CDK6: variants seen among roughly 807,000 people sequenced by gnomAD.
The protein encoded by CDK6 is cyclin-dependent kinase 6.
Under a neutral mutation model 37.1 loss-of-function variants are expected in CDK6, and 6 were observed. The observed-to-expected ratio is 0.16, with a 90% confidence interval of 0.09 to 0.32. The LOEUF (loss-of-function observed/expected upper bound fraction) is 0.32. CDK6 is among the 10% of genes least tolerant of loss of function. The probability of loss-of-function intolerance (pLI) is 1.00; values close to 1 mark genes in which losing one functional copy is unlikely to be tolerated. For missense variants in CDK6, 224 were observed against 418.9 expected (o/e 0.53, Z 4.06); for synonymous variants, 160 against 161.3 (o/e 0.99, Z 0.06).
At chr7:92,704,662 C>T (rs1379456052) in intron 4 of CDK6, among the ~76,000 whole-genome samples, 5 of 152,130 alleles carry the variant, frequency 3.3e-5, no homozygotes, top group African/African-American at 1.2e-4. Flanking sequence ...GTAGCTATAG[C>T]TCATTCATTT....
At chr7:92,733,475 T>C (rs1477507955) in intron 3 of CDK6, among the ~76,000 whole-genome samples, 1 of 152,238 alleles carries the variant, frequency 6.6e-6, no homozygotes, top group Admixed American at 6.5e-5. Flanking sequence ...GTCTCTGTTT[T>C]CTAAATGGAA....
intron 5 of CDK6, among the ~76,000 whole-genome samples, chr7:92,641,350 T>A (rs1796301030): frequency 6.6e-6 from 1 of 152,216 alleles, no homozygotes; most frequent in African/African-American, 2.4e-5. Flanking sequence ...TTTATTTATA[T>A]CAGCATGGAC....
chr7:92,771,433 A>G (rs531269806), intron 3 of CDK6, among the ~76,000 whole-genome samples: 2 of 152,250 alleles, frequency 1.3e-5, no homozygotes, highest in East Asian at 3.9e-4. Context: ...ATTAATACCT[A>G]TGATTTGGAT....
chr7:92,687,387 T>A (rs1797483358), intron 4 of CDK6, among the ~76,000 whole-genome samples: 1 of 152,190 alleles, frequency 6.6e-6, no homozygotes, highest in Non-Finnish European at 1.5e-5. Context: ...ATTTGTTAAA[T>A]GTATGACCAA....
chr7:92,631,408 G>A (rs1796049446), intron 5 of CDK6, among the ~76,000 whole-genome samples: 1 of 152,102 alleles, frequency 6.6e-6, no homozygotes, highest in Non-Finnish European at 1.5e-5. Context: ...AAAATCAAAT[G>A]AGCATACCTC....
intron 5 of CDK6, among the ~76,000 whole-genome samples, chr7:92,646,709 G>A (rs981551779): frequency 6.6e-6 from 1 of 152,132 alleles, no homozygotes; most frequent in Admixed American, 6.5e-5. Flanking sequence ...GCACCTGGTA[G>A]GTTTTCAAAG....
chr7:92,640,143 C>T (rs1271375437), intron 5 of CDK6, among the ~76,000 whole-genome samples: 1 of 152,134 alleles, frequency 6.6e-6, no homozygotes, highest in African/African-American at 2.4e-5. Flanking sequence ...GAGAGCACGC[C>T]GCTCAGCTGC....
chr7:92,830,763 CAAT>C (rs1368555367), intron 2 of CDK6, among the ~76,000 whole-genome samples: 1 of 152,188 alleles, frequency 6.6e-6, no homozygotes, highest in African/African-American at 2.4e-5. Flanking sequence ...GTGACATCAT[CAAT>C]AATTTCCTCA....
At chr7:92,785,502 C>T (rs1333480238) in intron 2 of CDK6, among the ~76,000 whole-genome samples, 1 of 152,022 alleles carries the variant, frequency 6.6e-6, no homozygotes, top group Non-Finnish European at 1.5e-5. Context: ...AGTATACTGA[C>T]CTGAAGTCTT....
intron 4 of CDK6, among the ~76,000 whole-genome samples, chr7:92,721,499 A>G (rs182867846): frequency 6.6e-6 from 1 of 152,274 alleles, no homozygotes; most frequent in Non-Finnish European, 1.5e-5. Flanking sequence ...GTTACCATCC[A>G]CATCTTAATT....
intron 2 of CDK6, among the ~76,000 whole-genome samples, chr7:92,813,708 T>C (rs1382476519): frequency 3.9e-5 from 6 of 152,166 alleles, no homozygotes; most frequent in Non-Finnish European, 5.9e-5. Flanking sequence ...CTTCACAAAC[T>C]GTGAACAATG....
chr7:92,831,847 T>C (rs1801490232), intron 2 of CDK6, among the ~76,000 whole-genome samples: 1 of 152,204 alleles, frequency 6.6e-6, no homozygotes, highest in Non-Finnish European at 1.5e-5. Flanking sequence ...GAAGATTCTG[T>C]AGATATTTGG....
At chr7:92,653,916 C>T (rs1259866430) in intron 5 of CDK6, among the ~76,000 whole-genome samples, 1 of 152,136 alleles carries the variant, frequency 6.6e-6, no homozygotes, top group Non-Finnish European at 1.5e-5. Flanking sequence ...TCAAGATCAT[C>T]AATTTCTTAG....
chr7:92,748,681 T>C (rs937731791), intron 3 of CDK6, among the ~76,000 whole-genome samples: 11 of 152,180 alleles, frequency 7.2e-5, no homozygotes, highest in South Asian at 2.1e-4. Flanking sequence ...TTTCATAACA[T>C]AGAATAAATA....
intron 3 of CDK6, among the ~76,000 whole-genome samples, chr7:92,729,918 TTTGTAGA>T (rs1480635994): frequency 6.6e-6 from 1 of 152,168 alleles, no homozygotes; most frequent in Non-Finnish European, 1.5e-5. Context: ...TTTTAAACTT[TTTGTAGA>T]GACAGGGTCT....
chr7:92,628,682 T>A (rs998689960), intron 5 of CDK6, among the ~76,000 whole-genome samples: 1 of 152,150 alleles, frequency 6.6e-6, no homozygotes, highest in Non-Finnish European at 1.5e-5. Context: ...TACGATTAGA[T>A]GTATACACAC....
chr7:92,661,958 G>C (rs1037691033), intron 5 of CDK6, among the ~76,000 whole-genome samples: 1 of 152,174 alleles, frequency 6.6e-6, no homozygotes, highest in Admixed American at 6.5e-5. Flanking sequence ...GCTACATGTA[G>C]AGACACTATT....
chr7:92,799,219 T>C (rs1223016420), intron 2 of CDK6, among the ~76,000 whole-genome samples: 1 of 152,210 alleles, frequency 6.6e-6, no homozygotes, highest in Non-Finnish European at 1.5e-5. Context: ...CTTAGTTATC[T>C]ATTACCAGGT....
intron 5 of CDK6, among the ~76,000 whole-genome samples, chr7:92,624,683 A>G (rs1795885174): frequency 6.6e-6 from 1 of 152,290 alleles, no homozygotes; most frequent in East Asian, 1.9e-4. Context: ...AGGTCTTAAA[A>G]GATGACAAGG....
Sources: gnomAD v4.1 joint callset for allele counts (sites outside exome capture counted in the v4.1 genomes callset) on GRCh38, gnomAD v4.1.1 for gene constraint, MANE v1.5 for transcripts, NCBI Gene and HGNC (gene_info 2026-07-23, HGNC 2026-07-21) for gene names.